The following SEPTIN10 variants were observed in gnomAD, a reference collection of about 807,000 sequenced individuals.
SEPTIN10 encodes the protein septin 10, also known as septin-10.
A neutral mutation model predicts 54.8 loss-of-function variants in SEPTIN10; 66 were observed. That is an observed-to-expected ratio of 1.21 (90% CI 0.99 to 1.48). The LOEUF (loss-of-function observed/expected upper bound fraction) is 1.48, where lower values mean the gene tolerates loss of function less well. Among genes scored for constraint, SEPTIN10 ranks in the 40% most tolerant of loss-of-function variants. The probability of loss-of-function intolerance (pLI) is 0.00; values close to 1 mark genes in which losing one functional copy is unlikely to be tolerated. For missense variants in SEPTIN10, 620 were observed against 545.6 expected (o/e 1.14, Z -1.36); for synonymous variants, 161 against 181.0 (o/e 0.89, Z 0.89).
At chr2:109,584,638 T>C (rs72824798) in intron 4 of SEPTIN10, among the ~76,000 whole-genome samples, 2,576 of 152,138 alleles carry the variant, frequency 0.017, 34 homozygotes, top group Non-Finnish European at 0.03. Context: ...TTAAAACAAA[T>C]AGAGACACAA....
chr2:109,585,122 A>C lies in SEPTIN10; in HGVS notation c.413+4T>G. The C allele has an allele frequency of 1.3e-6, 2 of 1,537,920 alleles. No homozygotes were observed. Among genetic ancestry groups the C allele is most frequent in the South Asian group, 1.3e-5 (1 of 78,316 alleles). The stretch of plus-strand genomic sequence containing the variant: ...TTGTTTTATTACAAGAAGAAAACAC[A>C]TACCTCTCTTCTTTATTTATTTGGT... On this transcript the variant is annotated splice_donor_region_variant and intron_variant, in intron 4 of 10. Transcript: ENST00000397712.
intron 1 of SEPTIN10, among the ~76,000 whole-genome samples, chr2:109,601,325 G>A (rs1213313401): frequency 2.0e-5 from 3 of 152,298 alleles, no homozygotes; most frequent in Non-Finnish European, 2.9e-5. Context: ...AAGGATTTCA[G>A]CAGTTGTATG....
chr2:109,546,281 G>C, intron 9 of SEPTIN10, 44 bp from the exon 10 acceptor site: 1 of 1,321,964 alleles, frequency 7.6e-7, no homozygotes, highest in South Asian at 1.6e-5. Context: ...CAGCGCGGCA[G>C]CAGAGGCACG....
intron 10 of SEPTIN10, chr2:109,545,576 T>G: frequency 6.5e-7 from 1 of 1,534,762 alleles, no homozygotes; most frequent in Non-Finnish European, 8.7e-7. Flanking sequence ...AAAATCAGTA[T>G]CAGTAGAATT....
chr2:109,603,164 T>C (rs1351945114), intron 1 of SEPTIN10, among the ~76,000 whole-genome samples: 1 of 152,146 alleles, frequency 6.6e-6, no homozygotes, highest in Non-Finnish European at 1.5e-5. Flanking sequence ...GGAATCAGTG[T>C]GAAGTCTATC....
chr2:109,571,581 A>G (rs1489708983), intron 5 of SEPTIN10, among the ~76,000 whole-genome samples: 5 of 152,260 alleles, frequency 3.3e-5, no homozygotes, highest in African/African-American at 1.2e-4. Context: ...AATACAGTAC[A>G]GTAAAAATAA....
chr2:109,596,256 T>C (rs1473819949), intron 1 of SEPTIN10, among the ~76,000 whole-genome samples: 1 of 152,182 alleles, frequency 6.6e-6, no homozygotes, highest in African/African-American at 2.4e-5. Context: ...AATATAATGA[T>C]AGCATATCAT....
In SEPTIN10 at chr2:109,553,151, A is replaced by G. The variant is rs1683426133; in HGVS notation, c.1097T>C (p.Met366Thr). The G allele has an allele frequency of 6.2e-7, 1 of 1,613,890 alleles. No individual in the cohort carries two copies. The highest frequency in any genetic ancestry group is 1.7e-5 in the Admixed American group (1 of 60,002). ...HGERQRKEEEMKQMFVQRVKE... is the reference protein window; with the variant it reads ...HGERQRKEEETKQMFVQRVKE... ...TACTCGCTGCACAAACATCTGTTTC[A>G]TTTCTTCTTCCTTCCTCTGACGTTC... Residue 366 changes from methionine (M) to threonine (T), a missense_variant, in exon 9 of 11, where the codon ATG becomes ACG. Met to Thr is a moderately conservative substitution (Grantham distance 81, BLOSUM62 -1). Transcript: ENST00000397712.
chr2:109,573,075 C>T (rs2105397911), intron 5 of SEPTIN10, among the ~76,000 whole-genome samples: 1 of 152,278 alleles, frequency 6.6e-6, no homozygotes, highest in South Asian at 2.1e-4. Flanking sequence ...GGCAGATAGG[C>T]TCTTACTGGG....
rs528627152 is a variant in SEPTIN10, at chr2:109,574,173, T to C, written c.600+408A>G. On this transcript the variant is annotated intron_variant, in intron 5 of 10. Coordinates refer to ENST00000397712, the MANE Select transcript of SEPTIN10 (RefSeq NM_144710.5). ...ATTTCCAGGCGCTGGGCATGGTGGCTCATGCCTGTAGTTCTAGCACTTCAA... is the reference window on the plus strand; with the variant it reads ...ATTTCCAGGCGCTGGGCATGGTGGCCCATGCCTGTAGTTCTAGCACTTCAA... Among the ~76,000 whole-genome samples, 6 of 152,104 alleles carry C rather than the reference T, an allele frequency of 3.9e-5. 1 individual carries two copies. Among genetic ancestry groups the C allele is most frequent in the African/African-American group, 1.4e-4 (6 of 41,486 alleles).
chr2:109,599,835 G>T (rs1203701062), intron 1 of SEPTIN10, among the ~76,000 whole-genome samples: 1 of 152,096 alleles, frequency 6.6e-6, no homozygotes, highest in African/African-American at 2.4e-5. Flanking sequence ...CTCCTAATTA[G>T]AAATTTATTA....
At chr2:109,564,103 A>G in intron 8 of SEPTIN10, 1 of 333,032 alleles carries the variant, frequency 3.0e-6, no homozygotes, top group Non-Finnish European at 5.4e-6. Context: ...GTCAGCATGA[A>G]CTGAAACAGG....
chr2:109,590,453 CAG>C (rs1265064260), intron 2 of SEPTIN10, among the ~76,000 whole-genome samples: 1 of 150,906 alleles, frequency 6.6e-6, no homozygotes, highest in Non-Finnish European at 1.5e-5. Flanking sequence ...TCTTTTGAGA[CAG>C]AGTTTTTGCT....
chr2:109,612,318 A>G (rs1197381578), intron 1 of SEPTIN10, among the ~76,000 whole-genome samples: 4 of 152,222 alleles, frequency 2.6e-5, no homozygotes, highest in Admixed American at 1.3e-4. Flanking sequence ...AGGGCAGGAA[A>G]GAAGTGTGTG....
chr2:109,572,384 C>T (rs1209442468), intron 5 of SEPTIN10, among the ~76,000 whole-genome samples: 2 of 152,104 alleles, frequency 1.3e-5, no homozygotes, highest in African/African-American at 4.8e-5. Context: ...TTGCCCGCCT[C>T]GGCCTCCCAA....
rs940622204 is a variant in SEPTIN10, at chr2:109,613,883, G to C, written c.-56C>G. 111 of 1,230,066 alleles carry C rather than the reference G, an allele frequency of 9.0e-5. No individual in the cohort carries two copies. The highest frequency in any genetic ancestry group is 3.1e-4 in the Middle Eastern group (1 of 3,214). The allele number at this position is 1,230,066 out of a possible 1,614,324, so 76.2% of individuals were successfully genotyped here. A position where few individuals can be genotyped will look rare whatever the true frequency, so the allele number is the denominator to read the frequency against. ...GTATCAGCCCGGCCCCGAGCGGCTG[G>C]TCCCGGCGACGGCGGCGGGAAGGCC... On this transcript the variant is annotated 5_prime_UTR_variant, in exon 1 of 11. Transcript: ENST00000397712.
intron 1 of SEPTIN10, among the ~76,000 whole-genome samples, chr2:109,603,336 G>A (rs1294409161): frequency 6.6e-5 from 10 of 151,758 alleles, no homozygotes; most frequent in South Asian, 2.1e-4. Flanking sequence ...CTGGGTTCAC[G>A]CCATTCTCCT....
At position 109,546,272 on chromosome 2, in the gene SEPTIN10, A is replaced by G. The variant is rs772565445; in HGVS notation, c.1162-35T>C. On this transcript the variant is annotated intron_variant, in intron 9 of 10. Transcript: ENST00000397712. Reference sequence around the variant, plus strand: ...AAAGTGCAATCCCCACTACTGACACAGCGCGGCAGCAGAGGCACGCTCTCC... The same window carrying G: ...AAAGTGCAATCCCCACTACTGACACGGCGCGGCAGCAGAGGCACGCTCTCC... 7 of 1,433,718 alleles carry G rather than the reference A, an allele frequency of 4.9e-6. No individual in the cohort carries two copies. In the Admixed American group the frequency reaches 9.6e-5, roughly 20 times the overall value. The allele number at this position is 1,433,718 out of a possible 1,614,324, so 88.8% of individuals were successfully genotyped here. A position where few individuals can be genotyped will look rare whatever the true frequency, so the allele number is the denominator to read the frequency against.
At chr2:109,603,337 C>T (rs976115096) in intron 1 of SEPTIN10, among the ~76,000 whole-genome samples, 4 of 151,986 alleles carry the variant, frequency 2.6e-5, no homozygotes, top group African/African-American at 7.2e-5. Context: ...TGGGTTCACG[C>T]CATTCTCCTG....
Sources: allele counts gnomAD v4.1 joint callset (sites outside exome capture counted in the v4.1 genomes callset), GRCh38; gene constraint gnomAD v4.1.1; transcripts MANE v1.5; gene names NCBI Gene and HGNC (gene_info 2026-07-23, HGNC 2026-07-21).